The following NELL1 variants were observed in gnomAD, a reference collection of about 807,000 sequenced individuals.
The protein encoded by NELL1 is neural EGFL like 1, also known as protein kinase C-binding protein NELL1.
In NELL1, 76 loss-of-function variants were observed where a neutral mutation model predicts 107.4. The observed-to-expected ratio is 0.71, with a 90% CI of 0.59 to 0.86. NELL1 has a LOEUF of 0.86. NELL1 is among the 40% of genes least tolerant of loss of function. The probability of loss-of-function intolerance (pLI) is 0.00; values close to 1 mark genes in which losing one functional copy is unlikely to be tolerated. For synonymous variants in NELL1, 353 were observed against 341.2 expected (o/e 1.03, Z -0.38); for missense variants, 1,024 against 1,005.5 (o/e 1.02, Z -0.25).
intron 13 of NELL1, among the ~76,000 whole-genome samples, chr11:21,155,781 G>A (rs1447866857): frequency 2.0e-5 from 3 of 152,078 alleles, no homozygotes; most frequent in South Asian, 2.1e-4. Flanking sequence ...AAGGAAATGA[G>A]GTAATAGATG....
At chr11:20,886,514 G>T (rs1272267753) in intron 5 of NELL1, among the ~76,000 whole-genome samples, 1 of 152,024 alleles carries the variant, frequency 6.6e-6, no homozygotes, top group Non-Finnish European at 1.5e-5. Context: ...AATTCCTTGG[G>T]GACCAAATAT....
In NELL1 at chr11:20,915,700, G is replaced by GAGATATATATATATATATATAT. The variant is rs1554943700; in HGVS notation, c.604-2481_604-2480insGATATATATATATATATATATA. Among the ~76,000 whole-genome samples, 26 of 29,456 alleles carry GAGATATATATATATATATATAT rather than the reference G, an allele frequency of 8.8e-4. 2 individuals carry two copies. The highest frequency in any genetic ancestry group is 1.5e-3 in the Non-Finnish European group (20 of 13,368). The allele number at this position is 29,456 out of a possible 152,430, so 19.3% of individuals were successfully genotyped here. A position where few individuals can be genotyped will look rare whatever the true frequency, so the allele number is the denominator to read the frequency against. ...TTCATCTGTGGAAATCCTCATAGATGATATATATATATATATATTTTTTTT... is the reference window on the plus strand; with the variant it reads ...TTCATCTGTGGAAATCCTCATAGATGAGATATATATATATATATATATATATATATATATATATATTTTTTTT... On this transcript the variant is annotated intron_variant, in intron 5 of 19. Coordinates refer to ENST00000357134, the MANE Select transcript of NELL1 (RefSeq NM_006157.5).
At chr11:21,331,028 T>C (rs1850261376) in intron 14 of NELL1, among the ~76,000 whole-genome samples, 1 of 152,138 alleles carries the variant, frequency 6.6e-6, no homozygotes. Flanking sequence ...ATTTCAGTTA[T>C]ATTAGTTTCC....
intron 4 of NELL1, among the ~76,000 whole-genome samples, chr11:20,853,385 G>A (rs1848825530): frequency 6.6e-6 from 1 of 152,180 alleles, no homozygotes; most frequent in African/African-American, 2.4e-5. Flanking sequence ...TGATTTTTAT[G>A]TAACGATGCA....
At chr11:21,127,871 A>G (rs1049395730) in intron 13 of NELL1, among the ~76,000 whole-genome samples, 5 of 152,224 alleles carry the variant, frequency 3.3e-5, no homozygotes, top group African/African-American at 4.8e-5. Flanking sequence ...ATTCTCTCAT[A>G]TGGACATCTT....
chr11:21,033,479 CATGTGGTATTTGATTTTCTGTTTCTTT>C (rs1321397244), intron 12 of NELL1, among the ~76,000 whole-genome samples: 1 of 152,066 alleles, frequency 6.6e-6, no homozygotes, highest in African/African-American at 2.4e-5. Context: ...TAAATGAAAA[CATGTGGTATTTGATTTTCTGTTTCTTT>C]ATTAGTTTTC....
intron 12 of NELL1, among the ~76,000 whole-genome samples, chr11:21,044,275 C>G (rs1002652218): frequency 6.6e-6 from 1 of 152,122 alleles, no homozygotes; most frequent in African/African-American, 2.4e-5. Flanking sequence ...ATTAGGAGAT[C>G]AGAAACATAT....
rs1020679665 is a variant in NELL1 at position 20,824,870 on chromosome 11, T to TG, written c.336-22709dup. Reference sequence around the variant, plus strand: ...ACAATGCGATAGAAAAAATCCATTTTGGGGAGAAATTCAAACCAGCTGCAG... The same window carrying TG: ...ACAATGCGATAGAAAAAATCCATTTTGGGGGAGAAATTCAAACCAGCTGCAG... On this transcript the variant is annotated intron_variant, in intron 3 of 19. Transcript: ENST00000357134. 4.6e-5 allele frequency among the ~76,000 whole-genome samples: 7 copies of TG among 151,326 alleles called. 1 individual carries two copies. Among genetic ancestry groups the TG allele is most frequent in the Admixed American group, 1.3e-4 (2 of 15,064 alleles).
intron 10 of NELL1, among the ~76,000 whole-genome samples, chr11:20,941,557 C>A (rs1373753664): frequency 6.6e-6 from 1 of 152,092 alleles, no homozygotes; most frequent in African/African-American, 2.4e-5. Context: ...TCACCATTCC[C>A]ACTGCAACAT....
At chr11:21,274,336 C>G (rs1436380762) in intron 14 of NELL1, among the ~76,000 whole-genome samples, 1 of 152,144 alleles carries the variant, frequency 6.6e-6, no homozygotes, top group Non-Finnish European at 1.5e-5. Context: ...ATCAATTCAA[C>G]AAGAAGAGCT....
intron 15 of NELL1, among the ~76,000 whole-genome samples, chr11:21,498,348 C>CATATATAT (rs36022880): frequency 8.4e-5 from 12 of 143,066 alleles, no homozygotes; most frequent in East Asian, 6.4e-4. Context: ...TATATATATA[C>CATATATAT]ATATATATAT....
At chr11:21,563,359 T>C (rs969874481) in intron 17 of NELL1, among the ~76,000 whole-genome samples, 1 of 152,016 alleles carries the variant, frequency 6.6e-6, no homozygotes, top group Non-Finnish European at 1.5e-5. Context: ...TTGCAGATCA[T>C]GGAGATGAAG....
intron 13 of NELL1, among the ~76,000 whole-genome samples, chr11:21,119,278 A>G (rs1019138257): frequency 1.3e-5 from 2 of 151,896 alleles, no homozygotes; most frequent in Admixed American, 6.6e-5. Flanking sequence ...TCCTTTCAGA[A>G]GACTACACCT....
chr11:21,417,119 G>A (rs540131380), intron 15 of NELL1, among the ~76,000 whole-genome samples: 5 of 151,976 alleles, frequency 3.3e-5, no homozygotes, highest in Admixed American at 6.6e-5. Context: ...CATGTATAAA[G>A]GACTTAGCAC....
intron 5 of NELL1, among the ~76,000 whole-genome samples, chr11:20,913,318 A>G (rs2134151153): frequency 6.6e-6 from 1 of 152,268 alleles, no homozygotes; most frequent in Admixed American, 6.5e-5. Flanking sequence ...CTTCAATGTA[A>G]ACAGAGATCT....
At chr11:21,334,812 T>C (rs1014710188) in intron 14 of NELL1, among the ~76,000 whole-genome samples, 1 of 151,898 alleles carries the variant, frequency 6.6e-6, no homozygotes, top group Non-Finnish European at 1.5e-5. Flanking sequence ...CATCAATATA[T>C]TGTATGTCAA....
At chr11:20,947,883 T>C (rs1284542764) in intron 11 of NELL1, among the ~76,000 whole-genome samples, 2 of 152,176 alleles carry the variant, frequency 1.3e-5, no homozygotes, top group Non-Finnish European at 2.9e-5. Flanking sequence ...TCCTTACTCA[T>C]AGGTTAGATT....
intron 12 of NELL1, among the ~76,000 whole-genome samples, 161 bp from the exon 13 acceptor site, chr11:21,113,427 AC>A (rs1471261084): frequency 2.0e-5 from 3 of 152,168 alleles, no homozygotes; most frequent in Non-Finnish European, 1.5e-5. Flanking sequence ...ATGGGATCTA[AC>A]GTACCAAGCT....
chr11:21,541,137 A>C (rs1439968338), intron 16 of NELL1, among the ~76,000 whole-genome samples: 1 of 152,042 alleles, frequency 6.6e-6, no homozygotes, highest in Non-Finnish European at 1.5e-5. Flanking sequence ...ATTTTTACCT[A>C]TCATATAAAA....
Sources: gnomAD v4.1 joint callset for allele counts (sites outside exome capture counted in the v4.1 genomes callset) on GRCh38, gnomAD v4.1.1 for gene constraint, MANE v1.5 for transcripts, NCBI Gene and HGNC (gene_info 2026-07-23, HGNC 2026-07-21) for gene names.